SLC24A3: variants seen among roughly 807,000 people sequenced by gnomAD.
The protein encoded by SLC24A3 is solute carrier family 24 member 3, also known as sodium/potassium/calcium exchanger 3.
A neutral mutation model predicts 75.8 loss-of-function variants in SLC24A3; 28 were observed. The ratio of observed to expected loss-of-function variants is 0.37; its 90% CI spans 0.27 to 0.51. The LOEUF is 0.51. SLC24A3 is among the 20% of genes least tolerant of loss of function. SLC24A3 has a pLI of 0.94. For synonymous variants in SLC24A3, 372 were observed against 334.1 expected (o/e 1.11, Z -1.24); for missense variants, 663 against 847.8 (o/e 0.78, Z 2.71).
chr20:19,653,525 T>C (rs1295225239), intron 6 of SLC24A3, among the ~76,000 whole-genome samples: 1 of 152,180 alleles, frequency 6.6e-6, no homozygotes, highest in African/African-American at 2.4e-5. Context: ...GCCCAGCACA[T>C]GTTGCTCACT....
chr20:19,665,859 C>T lies in SLC24A3; in HGVS notation c.688-5C>T. The T allele has an allele frequency of 6.3e-7, 1 of 1,594,484 alleles. No individual in the cohort carries two copies. Among genetic ancestry groups the T allele is most frequent in the Non-Finnish European group, 8.6e-7 (1 of 1,169,040 alleles). Reference sequence around the variant, plus strand: ...TAATCTTCTATTCTTTTTATTTTTTCACAGTTTATTTATGATGAAAAAGTT... The same window carrying T: ...TAATCTTCTATTCTTTTTATTTTTTTACAGTTTATTTATGATGAAAAAGTT... On this transcript the variant is annotated splice_region_variant and splice_polypyrimidine_tract_variant and intron_variant, in intron 7 of 16. Coordinates refer to ENST00000328041, the MANE Select transcript of SLC24A3 (RefSeq NM_020689.4).
At chr20:19,411,901 C>G (rs1247136850) in intron 2 of SLC24A3, among the ~76,000 whole-genome samples, 5 of 152,118 alleles carry the variant, frequency 3.3e-5, no homozygotes, top group African/African-American at 1.2e-4. Context: ...GTGTTCATCT[C>G]AGGACTGTCG....
chr20:19,447,183 A>T (rs1009290920), intron 2 of SLC24A3, among the ~76,000 whole-genome samples: 2 of 152,194 alleles, frequency 1.3e-5, no homozygotes, highest in Non-Finnish European at 2.9e-5. Flanking sequence ...GAAATCTGGG[A>T]ATACTTACCT....
intron 6 of SLC24A3, among the ~76,000 whole-genome samples, chr20:19,602,757 G>C (rs1257607567): frequency 6.6e-6 from 1 of 152,204 alleles, no homozygotes; most frequent in Non-Finnish European, 1.5e-5. Context: ...TTATGGCTCT[G>C]TCCAGAGGAG....
At chr20:19,560,953 T>TGAG (rs2030866077) in intron 3 of SLC24A3, among the ~76,000 whole-genome samples, 1 of 152,148 alleles carries the variant, frequency 6.6e-6, no homozygotes. Flanking sequence ...TACGTGTGGA[T>TGAG]GAGGAGGAGG....
At chr20:19,388,660 C>T (rs550520323) in intron 2 of SLC24A3, among the ~76,000 whole-genome samples, 3 of 152,258 alleles carry the variant, frequency 2.0e-5, no homozygotes, top group Non-Finnish European at 2.9e-5. Flanking sequence ...TGCAGTGAGC[C>T]GAGATTGGGC....
chr20:19,317,754 G>A (rs1984618077), intron 2 of SLC24A3, among the ~76,000 whole-genome samples: 2 of 152,190 alleles, frequency 1.3e-5, no homozygotes, highest in African/African-American at 2.4e-5. Context: ...GCTTGTCTGG[G>A]TGGATAAGCA....
intron 2 of SLC24A3, among the ~76,000 whole-genome samples, chr20:19,294,726 G>T (rs1984021293): frequency 6.6e-6 from 1 of 152,134 alleles, no homozygotes; most frequent in South Asian, 2.1e-4. Context: ...TTGCTATTGT[G>T]AATAGTGCTG....
At chr20:19,406,283 G>T (rs1176176181) in intron 2 of SLC24A3, among the ~76,000 whole-genome samples, 1 of 151,944 alleles carries the variant, frequency 6.6e-6, no homozygotes, top group African/African-American at 2.4e-5. Context: ...CCATTGGAAA[G>T]ATTCAATTTT....
intron 3 of SLC24A3, among the ~76,000 whole-genome samples, chr20:19,548,465 C>T (rs1300771265): frequency 6.6e-6 from 1 of 152,146 alleles, no homozygotes; most frequent in Non-Finnish European, 1.5e-5. Context: ...CAAATAAACC[C>T]TATGTTAGTT....
chr20:19,293,252 T>TTG (rs1430915222), intron 2 of SLC24A3, among the ~76,000 whole-genome samples: 1 of 151,868 alleles, frequency 6.6e-6, no homozygotes, highest in Non-Finnish European at 1.5e-5. Context: ...GGAAGGAGAG[T>TTG]TGTAACGCAG....
chr20:19,508,150 A>G (rs868142349), intron 2 of SLC24A3, among the ~76,000 whole-genome samples: 101 of 152,340 alleles, frequency 6.6e-4, no homozygotes, highest in African/African-American at 2.4e-3. Context: ...AAGTTTTTAC[A>G]GTGCCCCAGG....
rs369653518 is a variant in SLC24A3 at position 19,555,699 on chromosome 20, T to C, written c.349-24301T>C. ...GAGCATCGTAAAACCAGTTCCCTTA[T>C]TTTATGCATTCAAAAGAAACCCCAT... On this transcript the variant is annotated intron_variant, in intron 3 of 16. Transcript: ENST00000328041. Among the ~76,000 whole-genome samples the C allele has an allele frequency of 4.7e-4, 71 of 152,310 alleles. No homozygotes were observed. In the Middle Eastern group the frequency reaches 0.01, roughly 22 times the overall value.
intron 2 of SLC24A3, among the ~76,000 whole-genome samples, chr20:19,404,878 T>C (rs1986615572): frequency 6.6e-6 from 1 of 152,192 alleles, no homozygotes; most frequent in African/African-American, 2.4e-5. Flanking sequence ...GGTCTTGCAT[T>C]CCTGGTTTCT....
chr20:19,426,509 A>G (rs1343336059), intron 2 of SLC24A3, among the ~76,000 whole-genome samples: 7 of 152,250 alleles, frequency 4.6e-5, no homozygotes, highest in African/African-American at 1.7e-4. Context: ...AGTCAACACT[A>G]TATAAAATTG....
chr20:19,300,134 G>A (rs1984161359), intron 2 of SLC24A3, among the ~76,000 whole-genome samples: 1 of 152,198 alleles, frequency 6.6e-6, no homozygotes, highest in Non-Finnish European at 1.5e-5. Flanking sequence ...TCTAAAACAT[G>A]CTCACAAGTG....
intron 1 of SLC24A3, among the ~76,000 whole-genome samples, chr20:19,249,504 T>G (rs140667341): frequency 5.9e-5 from 9 of 152,374 alleles, no homozygotes; most frequent in East Asian, 1.9e-4. Flanking sequence ...GTCAGCTGCT[T>G]CTTCTCTAGC....
intron 1 of SLC24A3, among the ~76,000 whole-genome samples, chr20:19,280,466 C>T (rs905730010): frequency 1.6e-4 from 25 of 152,146 alleles, no homozygotes; most frequent in African/African-American, 6.0e-4. Flanking sequence ...CTGGAGCCAG[C>T]TCTTATTGAC....
intron 2 of SLC24A3, among the ~76,000 whole-genome samples, chr20:19,312,394 T>C (rs1437530020): frequency 4.6e-5 from 7 of 152,196 alleles, no homozygotes; most frequent in Admixed American, 2.0e-4. Flanking sequence ...TATAGTTGAT[T>C]TTTTAAAACT....
Sources: allele counts gnomAD v4.1 joint callset (sites outside exome capture counted in the v4.1 genomes callset), GRCh38; gene constraint gnomAD v4.1.1; transcripts MANE v1.5; gene names NCBI Gene and HGNC (gene_info 2026-07-23, HGNC 2026-07-21).